The following TTBK2 variants were observed in gnomAD, a reference collection of about 807,000 sequenced individuals.
The protein encoded by TTBK2 is tau-tubulin kinase 2.
In TTBK2, 28 loss-of-function variants were observed where a neutral mutation model predicts 110.8. The ratio of observed to expected loss-of-function variants is 0.25; its 90% confidence interval spans 0.19 to 0.35. The LOEUF (loss-of-function observed/expected upper bound fraction) is 0.35. Ranked by LOEUF, TTBK2 falls within the 10% of genes least tolerant of loss-of-function variation. The pLI, the probability that TTBK2 is intolerant of heterozygous loss-of-function variation, is 1.00. For missense variants in TTBK2, 1,369 were observed against 1,500.3 expected (o/e 0.91, Z 1.45); for synonymous variants, 532 against 527.3 (o/e 1.01, Z -0.12).
intron 4 of TTBK2, among the ~76,000 whole-genome samples, chr15:42,835,843 CA>C (rs1892964841): frequency 6.6e-6 from 1 of 152,066 alleles, no homozygotes; most frequent in Non-Finnish European, 1.5e-5. Context: ...ATACTTGAAA[CA>C]AGATTAGCCA....
intron 1 of TTBK2, among the ~76,000 whole-genome samples, chr15:42,880,548 G>A (rs1389295902): frequency 6.6e-6 from 1 of 152,032 alleles, no homozygotes; most frequent in Non-Finnish European, 1.5e-5. Flanking sequence ...TACCATACCT[G>A]GATAACATTG....
intron 14 of TTBK2, among the ~76,000 whole-genome samples, chr15:42,751,296 T>C (rs1297684472): frequency 6.6e-6 from 1 of 151,788 alleles, no homozygotes; most frequent in Non-Finnish European, 1.5e-5. Context: ...CTGAAAGGAG[T>C]GGGGATGGAG....
intron 9 of TTBK2, among the ~76,000 whole-genome samples, chr15:42,806,971 G>A (rs1318157425): frequency 6.6e-6 from 1 of 152,072 alleles, no homozygotes; most frequent in African/African-American, 2.4e-5. Flanking sequence ...GACCTTCCTT[G>A]ACCACTCTAT....
At chr15:42,832,420 C>T (rs1319936770) in intron 4 of TTBK2, among the ~76,000 whole-genome samples, 1 of 151,946 alleles carries the variant, frequency 6.6e-6, no homozygotes, top group Non-Finnish European at 1.5e-5. Context: ...AAGGTAAACA[C>T]AAAACTGATA....
intron 1 of TTBK2, among the ~76,000 whole-genome samples, chr15:42,909,729 T>C (rs2030636108): frequency 1.3e-5 from 2 of 152,156 alleles, no homozygotes; most frequent in South Asian, 2.1e-4. Flanking sequence ...ATACACAATA[T>C]GAGCCCTTTT....
At chr15:42,823,240 G>A (rs570845920) in intron 6 of TTBK2, among the ~76,000 whole-genome samples, 1 of 152,134 alleles carries the variant, frequency 6.6e-6, no homozygotes, top group African/African-American at 2.4e-5. Flanking sequence ...CCAGCTGAAG[G>A]GCTGAAACTG....
chr15:42,878,494 C>CAG, intron 2 of TTBK2, 55 bp downstream of exon 2: 1 of 750,328 alleles, frequency 1.3e-6, no homozygotes, highest in Middle Eastern at 2.7e-4. Context: ...GATATGTATA[C>CAG]ACACACACAC....
At chr15:42,755,002 C>G (rs1187862797) in intron 13 of TTBK2, among the ~76,000 whole-genome samples, 113 of 107,700 alleles carry the variant, frequency 1.0e-3, no homozygotes, top group Middle Eastern at 5.0e-3. Flanking sequence ...GAGTGAAGCT[C>G]CATCTCAGGA....
intron 13 of TTBK2, among the ~76,000 whole-genome samples, chr15:42,761,437 A>T (rs564524062): frequency 2.0e-4 from 31 of 152,146 alleles, no homozygotes; most frequent in Non-Finnish European, 4.4e-4. Flanking sequence ...TAATGGGATG[A>T]TAGCAAAGGA....
intron 13 of TTBK2, among the ~76,000 whole-genome samples, chr15:42,770,566 C>G (rs1044517590): frequency 4.6e-5 from 7 of 152,188 alleles, no homozygotes; most frequent in African/African-American, 1.7e-4. Flanking sequence ...GCAGTCCATC[C>G]AATCACTGAT....
chr15:42,809,558 T>C (rs1254369311), intron 9 of TTBK2, among the ~76,000 whole-genome samples: 1 of 152,230 alleles, frequency 6.6e-6, no homozygotes, highest in East Asian at 1.9e-4. Flanking sequence ...ATAATTTCAT[T>C]GCTTTAAGTA....
Position 42,918,010 on chromosome 15 carries a change from C to T in TTBK2, c.-68+2428G>A, listed in dbSNP as rs559594734. Reference sequence around the variant, plus strand: ...AAAGACTTTTTATTTTACTGATCAACACAGTCCTTACTAGATCAATAATGA... The same window carrying T: ...AAAGACTTTTTATTTTACTGATCAATACAGTCCTTACTAGATCAATAATGA... On this transcript the variant is annotated intron_variant, in intron 1 of 14. Transcript: ENST00000267890. Among the ~76,000 whole-genome samples the T allele has an allele frequency of 1.7e-4, 26 of 152,146 alleles. No individual in the cohort carries two copies. The South Asian group carries it at 4.1e-3, about 24-fold the overall frequency.
At chr15:42,915,566 G>T (rs532726187) in intron 1 of TTBK2, among the ~76,000 whole-genome samples, 11 of 152,180 alleles carry the variant, frequency 7.2e-5, no homozygotes, top group African/African-American at 2.7e-4. Flanking sequence ...ATCCACTGGG[G>T]GTCTTGGAAT....
Position 42,900,629 on chromosome 15 carries a change from G to T in TTBK2, c.-68+19809C>A, listed in dbSNP as rs1414571062. Among the ~76,000 whole-genome samples the T allele has an allele frequency of 2.0e-5, 3 of 152,216 alleles. No individual in the cohort carries two copies. In the East Asian group the frequency reaches 5.8e-4, roughly 30 times the overall value. On this transcript the variant is annotated intron_variant, in intron 1 of 14. Transcript: ENST00000267890. ...CCCAGCTACTCGGGAGACTGAGTCA[G>T]GAGAATCGCTTGAACCCGGGAGGTG...
At chr15:42,892,116 G>A (rs1006266698) in intron 1 of TTBK2, among the ~76,000 whole-genome samples, 4 of 152,086 alleles carry the variant, frequency 2.6e-5, no homozygotes, top group African/African-American at 9.7e-5. Context: ...AAATTTAAAA[G>A]AACGGAAATC....
At chr15:42,878,782 C>A in intron 1 of TTBK2, 98 bp from the exon 2 acceptor site, 1 of 1,414,724 alleles carries the variant, frequency 7.1e-7, no homozygotes, top group Non-Finnish European at 9.5e-7. Context: ...ATACTATACA[C>A]TAATTAGGCT....
intron 5 of TTBK2, among the ~76,000 whole-genome samples, chr15:42,829,450 A>G (rs1411243433): frequency 6.6e-6 from 1 of 152,260 alleles, no homozygotes; most frequent in Non-Finnish European, 1.5e-5. Flanking sequence ...ATATCTATAA[A>G]AGAAACCAGG....
intron 9 of TTBK2, among the ~76,000 whole-genome samples, chr15:42,800,108 A>T (rs1891122281): frequency 6.6e-6 from 1 of 152,086 alleles, no homozygotes; most frequent in African/African-American, 2.4e-5. Flanking sequence ...CAAAATAAAT[A>T]AATAAATAAT....
chr15:42,919,153 C>T (rs1052156903), intron 1 of TTBK2, among the ~76,000 whole-genome samples: 6 of 152,054 alleles, frequency 3.9e-5, no homozygotes, highest in Non-Finnish European at 7.4e-5. Flanking sequence ...CAAAGATTTC[C>T]TTCAATGTTT....
Sources: gnomAD v4.1 joint callset for allele counts (sites outside exome capture counted in the v4.1 genomes callset) on GRCh38, gnomAD v4.1.1 for gene constraint, MANE v1.5 for transcripts, NCBI Gene and HGNC (gene_info 2026-07-23, HGNC 2026-07-21) for gene names.